Variants in DGLUCY observed in about 807,000 individuals in gnomAD.
The protein encoded by DGLUCY is D-glutamate cyclase, also known as D-glutamate cyclase, mitochondrial.
DGLUCY carries 58 observed loss-of-function variants against 58.5 expected under a neutral mutation model. The observed-to-expected ratio is 0.99, with a 90% confidence interval of 0.80 to 1.23. The LOEUF (loss-of-function observed/expected upper bound fraction) is 1.23. Ranked by LOEUF, DGLUCY falls within the 50% of genes most tolerant of loss-of-function variation. The pLI, the probability that DGLUCY is intolerant of heterozygous loss-of-function variation, is 0.00. For synonymous variants in DGLUCY, 325 were observed against 314.1 expected, an observed-to-expected ratio of 1.03 and a Z score of -0.37; for missense variants, 779 against 784.7, an observed-to-expected ratio of 0.99 and a Z score of 0.09.
chr14:91,176,788 G>A (rs575655100), intron 7 of DGLUCY, among the ~76,000 whole-genome samples: 5 of 152,146 alleles, frequency 3.3e-5, no homozygotes, highest in Admixed American at 2.0e-4. Flanking sequence ...TTTTAGTAGA[G>A]ACGAGGTTTT....
intron 1 of DGLUCY, among the ~76,000 whole-genome samples, chr14:91,073,706 C>T (rs563883602): frequency 6.6e-6 from 1 of 152,194 alleles, no homozygotes; most frequent in African/African-American, 2.4e-5. Context: ...GAGGAGCAGC[C>T]TCTAGGAGTT....
At chr14:91,223,084 C>T (rs1388696410) in intron 13 of DGLUCY, among the ~76,000 whole-genome samples, 1 of 152,228 alleles carries the variant, frequency 6.6e-6, no homozygotes, top group Non-Finnish European at 1.5e-5. Context: ...TTAGGTTCAA[C>T]ATACAAAATT....
intron 1 of DGLUCY, among the ~76,000 whole-genome samples, chr14:91,131,762 G>C (rs1235028378): frequency 6.6e-6 from 1 of 152,118 alleles, no homozygotes; most frequent in Non-Finnish European, 1.5e-5. Context: ...ACCTGGATTT[G>C]ATTTTTGTTA....
chr14:91,225,230 C>G lies in DGLUCY; in HGVS notation c.*397C>G, dbSNP rs1223744098. The G allele has an allele frequency of 1.3e-5, 2 of 157,750 alleles. No homozygotes were observed. Among genetic ancestry groups the G allele is most frequent in the African/African-American group, 4.8e-5 (2 of 41,684 alleles). The allele number at this position is 157,750 out of a possible 1,614,324, so 9.8% of individuals were successfully genotyped here. On this transcript the variant is annotated 3_prime_UTR_variant, in exon 14 of 14. Coordinates refer to ENST00000256324, the MANE Select transcript of DGLUCY (RefSeq NM_001102368.3). ...CCCAGGCCATGTAGGATAGGATACT[C>G]CAGACTCCAGTCATCCTCCCCCATC...
chr14:91,145,541 G>A (rs960060627), intron 1 of DGLUCY, among the ~76,000 whole-genome samples: 2 of 152,146 alleles, frequency 1.3e-5, no homozygotes, highest in Non-Finnish European at 2.9e-5. Context: ...CACCAGGACT[G>A]AGGACAGGAA....
At chr14:91,079,845 A>G in intron 1 of DGLUCY, among the ~76,000 whole-genome samples, 1 of 152,232 alleles carries the variant, frequency 6.6e-6, no homozygotes, top group East Asian at 1.9e-4. Flanking sequence ...CATTTTAGCC[A>G]TTTGTAAATG....
At chr14:91,063,529 G>C (rs1264963340) in intron 1 of DGLUCY, among the ~76,000 whole-genome samples, 1 of 152,222 alleles carries the variant, frequency 6.6e-6, no homozygotes, top group Non-Finnish European at 1.5e-5. Context: ...ACTGTGATGT[G>C]AGCAATACAT....
chr14:91,205,949 C>T (rs1397553381), intron 12 of DGLUCY, among the ~76,000 whole-genome samples: 2 of 145,060 alleles, frequency 1.4e-5, no homozygotes, highest in Non-Finnish European at 3.0e-5. Context: ...AAGCGATTCT[C>T]CTGCCTCAGC....
At chr14:91,112,221 CCTGGGCAA>C (rs2044715361), upstream of DGLUCY, among the ~76,000 whole-genome samples, 1 of 151,574 alleles carries the variant, frequency 6.6e-6, no homozygotes, top group South Asian at 2.1e-4. Flanking sequence ...TACACTCCAG[CCTGGGCAA>C]CAAGAGCAAA....
chr14:91,202,010 G>A (rs555844949), intron 11 of DGLUCY, among the ~76,000 whole-genome samples: 85 of 150,698 alleles, frequency 5.6e-4, no homozygotes, highest in African/African-American at 1.9e-3. Context: ...AGCCAAGATC[G>A]CGCCACTGCA....
At position 91,203,288 on chromosome 14, in the gene DGLUCY, G is replaced by A. The variant is rs117591068; in HGVS notation, c.1445-1418G>A. Among the ~76,000 whole-genome samples, 144 of 152,294 alleles carry A rather than the reference G, an allele frequency of 9.5e-4. 1 individual carries two copies. The highest frequency in any genetic ancestry group is 1.6e-3 in the Non-Finnish European group (109 of 68,032). On this transcript the variant is annotated intron_variant, in intron 11 of 13. Transcript: ENST00000256324. ...AAAACCATCAGGATATAAATCTAAG[G>A]TGTTTGGTCCTTCACAATTGTGTCA...
rs1052792128 is a variant in DGLUCY, at chr14:91,184,583, G to C, written c.934+3194G>C. Among the ~76,000 whole-genome samples the C allele has an allele frequency of 1.4e-3, 167 of 123,304 alleles. 1 individual carries two copies. Among genetic ancestry groups the C allele is most frequent in the Non-Finnish European group, 2.2e-3 (132 of 58,770 alleles). The allele number at this position is 123,304 out of a possible 152,430, so 80.9% of individuals were successfully genotyped here. ...AGAAAGAAAGAAAGAAAGTTGGGGGGGGGGAGGGAGGGAGGGAGGGAGTCT... is the reference window on the plus strand; with the variant it reads ...AGAAAGAAAGAAAGAAAGTTGGGGGCGGGGAGGGAGGGAGGGAGGGAGTCT... On this transcript the variant is annotated intron_variant, in intron 8 of 13. Coordinates refer to ENST00000256324, the MANE Select transcript of DGLUCY (RefSeq NM_001102368.3).
chr14:91,082,075 C>G (rs775926718), intron 1 of DGLUCY, among the ~76,000 whole-genome samples: 7 of 152,092 alleles, frequency 4.6e-5, no homozygotes, highest in Non-Finnish European at 1.0e-4. Context: ...TTCACAGGCT[C>G]TGGGGATTAG....
At chr14:91,069,169 TA>T (rs2140024575) in intron 1 of DGLUCY, among the ~76,000 whole-genome samples, 1 of 152,342 alleles carries the variant, frequency 6.6e-6, no homozygotes, top group Admixed American at 6.5e-5. Flanking sequence ...TAATTTGTCC[TA>T]ATCATTCTTT....
chr14:91,107,782 G>C (rs140540713), upstream of DGLUCY, among the ~76,000 whole-genome samples: 465 of 152,220 alleles, frequency 3.1e-3, 2 homozygotes, highest in African/African-American at 0.011. Context: ...GATAAGTGCT[G>C]TGAAAACTAA....
In DGLUCY at chr14:91,215,522, A is replaced by G. The variant is rs1208686291; in HGVS notation, c.1682A>G (p.Gln561Arg). Residue 561 changes from glutamine (Q) to arginine (R), a missense_variant, in exon 13 of 14, where the codon CAG becomes CGG. Gln to Arg is a conservative substitution (Grantham distance 43). Transcript: ENST00000256324. ...GGACCCTCCAGGGCACCTGGAGATC[A>G]GGCCTGGACTCAGGCCCTCCCGTCG... is the stretch of plus-strand genomic sequence containing the variant. ...AVGPSRAPGD[Q>R]AWTQALPSVI... The G allele has an allele frequency of 6.2e-7, 1 of 1,613,992 alleles. No individual in the cohort carries two copies. Among genetic ancestry groups the G allele is most frequent in the South Asian group, 1.1e-5 (1 of 91,080 alleles).
At chr14:91,150,601 C>T (rs1269742880) in intron 1 of DGLUCY, among the ~76,000 whole-genome samples, 2 of 152,000 alleles carry the variant, frequency 1.3e-5, no homozygotes, top group Non-Finnish European at 2.9e-5. Flanking sequence ...GCCACCATGC[C>T]AGCTAATTTT....
intron 4 of DGLUCY, among the ~76,000 whole-genome samples, chr14:91,169,569 C>T (rs1447464141): frequency 6.6e-6 from 1 of 152,122 alleles, no homozygotes; most frequent in Non-Finnish European, 1.5e-5. Context: ...ACCACCATGC[C>T]TGGCTAGTTT....
intron 1 of DGLUCY, chr14:91,114,592 C>T (rs1449682558): frequency 6.6e-6 from 1 of 152,272 alleles, no homozygotes; most frequent in Non-Finnish European, 1.5e-5. Flanking sequence ...TGTCACTGCC[C>T]TTGAGAACTC....
Sources: gnomAD v4.1 joint callset for allele counts (sites outside exome capture counted in the v4.1 genomes callset) on GRCh38, gnomAD v4.1.1 for gene constraint, MANE v1.5 for transcripts, NCBI Gene and HGNC (gene_info 2026-07-23, HGNC 2026-07-21) for gene names.